Variants in PTPRM observed in about 807,000 individuals in gnomAD.
The protein encoded by PTPRM is protein tyrosine phosphatase receptor type M, also known as receptor-type tyrosine-protein phosphatase mu.
PTPRM carries 47 observed loss-of-function variants against 186.7 expected under a neutral mutation model. The ratio of observed to expected loss-of-function variants is 0.25; its 90% CI spans 0.20 to 0.32. The LOEUF (loss-of-function observed/expected upper bound fraction) is 0.32, where lower values mean the gene tolerates loss of function less well. PTPRM is among the 10% of genes least tolerant of loss of function. PTPRM has a pLI of 1.00. For missense variants in PTPRM, 1,494 were observed against 1,865.0 expected (o/e 0.80, Z 3.66); for synonymous variants, 668 against 674.9 (o/e 0.99, Z 0.16).
chr18:8,234,115 CTCCAT>C (rs1568570063), intron 14 of PTPRM, among the ~76,000 whole-genome samples: 1 of 152,122 alleles, frequency 6.6e-6, no homozygotes, highest in Non-Finnish European at 1.5e-5. Flanking sequence ...TCTTTTGCCT[CTCCAT>C]ATAGAATCAG....
intron 9 of PTPRM, among the ~76,000 whole-genome samples, chr18:8,079,692 A>G (rs2090023926): frequency 6.6e-6 from 1 of 152,184 alleles, no homozygotes; most frequent in Non-Finnish European, 1.5e-5. Flanking sequence ...AGAACCTTCT[A>G]AGAAAAAGGT....
At chr18:7,889,226 A>C (rs1200112206) in intron 3 of PTPRM, among the ~76,000 whole-genome samples, 3 of 152,080 alleles carry the variant, frequency 2.0e-5, no homozygotes, top group African/African-American at 7.2e-5. Flanking sequence ...TACAATTCAA[A>C]ATTTGTTTAT....
Position 8,376,487 on chromosome 18 carries a change from T to G in PTPRM, c.3352T>G (p.Phe1118Val), listed in dbSNP as rs555602992. Residue 1118 changes from phenylalanine to valine, a missense_variant, in exon 26 of 33, where the codon TTC becomes GTC. By Grantham distance (50) the Phe-to-Val change is conservative (BLOSUM62 -1). Transcript: ENST00000580170. ...TGCTGGTGCAGGGAGGACTGGCTGT[T>G]TCATCGTCATTGATATCATGTTGGA... is the stretch of plus-strand genomic sequence containing the variant. The part of the protein sequence containing the change: ...CSAGAGRTGC[F>V]IVIDIMLDMA... 7.4e-6 allele frequency: 12 copies of G among 1,614,124 alleles called. No individual in the cohort carries two copies. In the South Asian group the frequency reaches 1.3e-4, roughly 18 times the overall value.
intron 7 of PTPRM, among the ~76,000 whole-genome samples, chr18:7,972,903 A>G (rs1399400158): frequency 6.6e-6 from 1 of 151,840 alleles, no homozygotes; most frequent in Non-Finnish European, 1.5e-5. Context: ...ATATCAATAT[A>G]TGTCCTCAGT....
At chr18:8,078,627 G>C (rs938240474) in intron 9 of PTPRM, among the ~76,000 whole-genome samples, 8 of 152,152 alleles carry the variant, frequency 5.3e-5, no homozygotes, top group African/African-American at 1.9e-4. Context: ...TTTGTATTAG[G>C]CCGCTCTTGT....
intron 7 of PTPRM, among the ~76,000 whole-genome samples, chr18:8,014,454 TAAAC>T (rs2147896483): frequency 6.6e-6 from 1 of 152,288 alleles, no homozygotes; most frequent in African/African-American, 2.4e-5. Flanking sequence ...TTCCCTTTCT[TAAAC>T]AAAGCAAACA....
intron 1 of PTPRM, among the ~76,000 whole-genome samples, chr18:7,713,769 A>G (rs1306198064): frequency 6.6e-6 from 1 of 152,170 alleles, no homozygotes; most frequent in Non-Finnish European, 1.5e-5. Flanking sequence ...ACAAAGATCA[A>G]AAGACACGAA....
chr18:8,115,340 C>G (rs1029807977), intron 13 of PTPRM, among the ~76,000 whole-genome samples: 2 of 152,040 alleles, frequency 1.3e-5, no homozygotes, highest in Admixed American at 1.3e-4. Context: ...CATCTATTTC[C>G]CAAGCCTGGT....
At chr18:7,636,797 T>G (rs570155619) in intron 1 of PTPRM, among the ~76,000 whole-genome samples, 1 of 152,090 alleles carries the variant, frequency 6.6e-6, no homozygotes, top group South Asian at 2.1e-4. Context: ...AGGTTTAGAG[T>G]GAGGACATTG....
At chr18:7,706,448 A>T (rs986082842) in intron 1 of PTPRM, among the ~76,000 whole-genome samples, 8 of 151,800 alleles carry the variant, frequency 5.3e-5, no homozygotes, top group Admixed American at 1.3e-4. Flanking sequence ...AAATAAAAAA[A>T]ATTAGCCAAG....
At chr18:8,275,546 T>C (rs781639029) in intron 19 of PTPRM, among the ~76,000 whole-genome samples, 3 of 152,218 alleles carry the variant, frequency 2.0e-5, no homozygotes, top group Non-Finnish European at 1.5e-5. Flanking sequence ...ATGAATGCGG[T>C]CAGAAAGTCT....
intron 7 of PTPRM, among the ~76,000 whole-genome samples, chr18:7,972,576 A>G (rs576623009): frequency 6.4e-4 from 96 of 150,396 alleles, no homozygotes; most frequent in African/African-American, 2.1e-3. Flanking sequence ...TTGAAAAAAT[A>G]TACATATTAA....
chr18:7,843,889 C>T (rs2046465895), intron 2 of PTPRM, among the ~76,000 whole-genome samples: 1 of 152,166 alleles, frequency 6.6e-6, no homozygotes, highest in Non-Finnish European at 1.5e-5. Flanking sequence ...CTTGTTCACT[C>T]ACAAGTCTAG....
chr18:8,265,960 T>C (rs1474213872), intron 19 of PTPRM, among the ~76,000 whole-genome samples: 4 of 152,120 alleles, frequency 2.6e-5, no homozygotes, highest in Non-Finnish European at 4.4e-5. Context: ...GAGATCTGTG[T>C]GGGGACATGG....
intron 23 of PTPRM, among the ~76,000 whole-genome samples, chr18:8,351,130 C>A (rs764642680): frequency 1.3e-5 from 2 of 152,200 alleles, no homozygotes; most frequent in Non-Finnish European, 2.9e-5. Context: ...AACCAGGGCC[C>A]TTCATTTAAT....
intron 8 of PTPRM, 54 bp from the exon 9 acceptor site, chr18:8,076,401 C>A (rs982519407): frequency 9.3e-7 from 1 of 1,075,928 alleles, no homozygotes; most frequent in East Asian, 2.5e-5. Context: ...CTAGAAAAAT[C>A]TACTTTTTAA....
At chr18:7,659,838 C>T (rs1343197621) in intron 1 of PTPRM, among the ~76,000 whole-genome samples, 3 of 152,170 alleles carry the variant, frequency 2.0e-5, no homozygotes, top group Non-Finnish European at 4.4e-5. Context: ...CTTGCTTAAT[C>T]TAGTGCAGAA....
chr18:8,229,642 A>T (rs578002941), intron 14 of PTPRM, among the ~76,000 whole-genome samples: 9 of 152,320 alleles, frequency 5.9e-5, no homozygotes, highest in Admixed American at 2.0e-4. Context: ...GAGTCATGCA[A>T]GACATTTGTG....
chr18:7,675,611 T>C (rs1280833178), intron 1 of PTPRM, among the ~76,000 whole-genome samples: 1 of 152,200 alleles, frequency 6.6e-6, no homozygotes, highest in Non-Finnish European at 1.5e-5. Context: ...TCTCACTTGG[T>C]TGGGTTCTGC....
Sources: gnomAD v4.1 joint callset for allele counts (sites outside exome capture counted in the v4.1 genomes callset) on GRCh38, gnomAD v4.1.1 for gene constraint, MANE v1.5 for transcripts, NCBI Gene and HGNC (gene_info 2026-07-23, HGNC 2026-07-21) for gene names.